The following LARGE1 variants were observed in gnomAD, a reference collection of about 807,000 sequenced individuals.
LARGE1 encodes the protein xylosyl- and glucuronyltransferase LARGE1.
Under a neutral mutation model 87.6 loss-of-function variants are expected in LARGE1, and 43 were observed. The observed-to-expected ratio is 0.49, with a 90% CI of 0.38 to 0.63. The LOEUF is 0.63. Among genes scored for constraint, LARGE1 ranks in the 30% least tolerant of loss-of-function variants. LARGE1 has a pLI of 0.00. For synonymous variants in LARGE1, 434 were observed against 394.6 expected, an observed-to-expected ratio of 1.10 and a Z score of -1.18; for missense variants, 802 against 1,000.2, an observed-to-expected ratio of 0.80 and a Z score of 2.67.
intron 12 of LARGE1, among the ~76,000 whole-genome samples, chr22:33,302,751 C>A (rs1007081263): frequency 1.3e-5 from 2 of 152,048 alleles, no homozygotes; most frequent in African/African-American, 4.8e-5. Flanking sequence ...CCCAGCGCAG[C>A]CCAACAACGT....
chr22:33,172,792 GAAGAC>G (rs1307887942), intron 11 of LARGE1, among the ~76,000 whole-genome samples: 2 of 152,106 alleles, frequency 1.3e-5, no homozygotes, highest in African/African-American at 4.8e-5. Context: ...AATAAAGTGA[GAAGAC>G]AAGATTAGAG....
chr22:33,686,105 C>A (rs1280914081), intron 2 of LARGE1, among the ~76,000 whole-genome samples: 1 of 152,182 alleles, frequency 6.6e-6, no homozygotes, highest in East Asian at 1.9e-4. Context: ...CAAATTAAAT[C>A]AGCCGACTCT....
At chr22:33,675,430 T>C (rs1415502928) in intron 2 of LARGE1, among the ~76,000 whole-genome samples, 1 of 150,608 alleles carries the variant, frequency 6.6e-6, no homozygotes, top group Non-Finnish European at 1.5e-5. Flanking sequence ...AGAGAATAAC[T>C]GGGAAGTAGG....
At chr22:33,497,604 A>AT (rs1443667281) in intron 6 of LARGE1, among the ~76,000 whole-genome samples, 17 of 152,172 alleles carry the variant, frequency 1.1e-4, no homozygotes, top group Admixed American at 5.9e-4. Context: ...ATTCTTGTCA[A>AT]TTTTTCGATG....
At position 33,875,421 on chromosome 22, in the gene LARGE1, T is replaced by G. The variant is rs75348684; in HGVS notation, c.-83+44574A>C. Among the ~76,000 whole-genome samples the G allele has an allele frequency of 9.9e-3, 1,505 of 152,296 alleles. 12 individuals carry two copies. The highest frequency in any genetic ancestry group is 0.024 in the Middle Eastern group (7 of 294). On this transcript the variant is annotated intron_variant, in intron 1 of 14. Transcript: ENST00000397394. ...ACAGCCACCACCTGTCCCTCTTGAC[T>G]GGGGAACCATGGGGGCAGAGGGCTG...
At chr22:33,888,611 T>C (rs2064922757) in intron 1 of LARGE1, among the ~76,000 whole-genome samples, 1 of 152,128 alleles carries the variant, frequency 6.6e-6, no homozygotes, top group South Asian at 2.1e-4. Flanking sequence ...ATCCCAGCAC[T>C]TTGGGAGGCC....
chr22:33,818,993 G>A (rs956036899), intron 1 of LARGE1, among the ~76,000 whole-genome samples: 5 of 152,174 alleles, frequency 3.3e-5, no homozygotes, highest in African/African-American at 1.2e-4. Context: ...CCCAGAAACG[G>A]GTGCCTAATT....
intron 7 of LARGE1, among the ~76,000 whole-genome samples, chr22:33,428,758 TA>T (rs763068404): frequency 0.59 from 56,566 of 95,254 alleles, 16,010 homozygotes; most frequent in African/African-American, 0.71. Context: ...CCGTCACTAC[TA>T]AAAAAAAAAA....
intron 6 of LARGE1, among the ~76,000 whole-genome samples, chr22:33,505,747 G>A (rs1369450620): frequency 1.3e-5 from 2 of 152,124 alleles, no homozygotes; most frequent in African/African-American, 4.8e-5. Flanking sequence ...GGCCATCCCA[G>A]GCTTTCAGGA....
intron 4 of LARGE1, among the ~76,000 whole-genome samples, chr22:33,609,132 T>C (rs1277775147): frequency 1.3e-5 from 2 of 152,172 alleles, no homozygotes; most frequent in East Asian, 1.9e-4. Flanking sequence ...TAACTACATA[T>C]AAGTTACAAC....
chr22:33,714,885 C>T lies in LARGE1; in HGVS notation c.106+46486G>A, dbSNP rs576281659. On this transcript the variant is annotated intron_variant, in intron 2 of 14. Transcript: ENST00000397394. ...ATGAACATAGGACACATTCCTCACC[C>T]GCTTCAGATTGTCCTCTGAAATTCA... Among the ~76,000 whole-genome samples the T allele has an allele frequency of 1.6e-3, 244 of 152,084 alleles. 9 individuals carry two copies. In the South Asian group the frequency reaches 0.046, roughly 28 times the overall value.
At chr22:33,603,986 T>C (rs2079180171) in intron 5 of LARGE1, among the ~76,000 whole-genome samples, 1 of 152,246 alleles carries the variant, frequency 6.6e-6, no homozygotes, top group Non-Finnish European at 1.5e-5. Context: ...GTTTGGTATT[T>C]CATCCACCTT....
chr22:33,761,279 T>A, intron 2 of LARGE1, 92 bp downstream of exon 2: 1 of 992,980 alleles, frequency 1.0e-6, no homozygotes, highest in Non-Finnish European at 1.6e-6. Context: ...CATATTCCTA[T>A]TAGATGGCTT....
At chr22:33,771,510 A>AT (rs1316823289) in intron 1 of LARGE1, among the ~76,000 whole-genome samples, 4 of 151,982 alleles carry the variant, frequency 2.6e-5, no homozygotes, top group Admixed American at 6.5e-5. Flanking sequence ...TATTTCATAC[A>AT]TTTTTTTTCT....
At chr22:33,720,541 C>T (rs1381309969) in intron 2 of LARGE1, among the ~76,000 whole-genome samples, 1 of 152,172 alleles carries the variant, frequency 6.6e-6, no homozygotes, top group East Asian at 1.9e-4. Flanking sequence ...CAGAATGTAT[C>T]CCAGTCATAC....
the LARGE1 span, among the ~76,000 whole-genome samples, chr22:33,114,223 A>G: frequency 1.1e-3 from 173 of 152,282 alleles, 1 homozygote; most frequent in African/African-American, 3.9e-3. Context: ...CAAGGATTAA[A>G]TTAGCTAATA....
At chr22:33,187,480 T>G (rs564808019) in intron 11 of LARGE1, among the ~76,000 whole-genome samples, 1 of 152,248 alleles carries the variant, frequency 6.6e-6, no homozygotes, top group South Asian at 2.1e-4. Flanking sequence ...TTACCAGTGC[T>G]CAGGGATGGG....
At chr22:33,700,413 A>G (rs1394760616) in intron 2 of LARGE1, among the ~76,000 whole-genome samples, 1 of 152,234 alleles carries the variant, frequency 6.6e-6, no homozygotes, top group African/African-American at 2.4e-5. Context: ...ACCAGGCACT[A>G]TGCGGAAGGC....
intron 2 of LARGE1, among the ~76,000 whole-genome samples, chr22:33,708,703 C>T (rs1433009959): frequency 2.0e-5 from 3 of 152,166 alleles, no homozygotes; most frequent in African/African-American, 4.8e-5. Flanking sequence ...CGCGTTCAAG[C>T]GATTCTCCTG....
Sources: allele counts gnomAD v4.1 joint callset (sites outside exome capture counted in the v4.1 genomes callset), GRCh38; gene constraint gnomAD v4.1.1; transcripts MANE v1.5; gene names NCBI Gene and HGNC (gene_info 2026-07-23, HGNC 2026-07-21).